Variants in ABCA5 observed in about 807,000 individuals in gnomAD.
ABCA5 encodes the protein cholesterol transporter ABCA5.
Under a neutral mutation model 206.0 loss-of-function variants are expected in ABCA5, and 163 were observed. The observed-to-expected ratio is 0.79, with a 90% confidence interval of 0.70 to 0.90. ABCA5 has a LOEUF of 0.90. Ranked by LOEUF, ABCA5 falls within the 40% of genes least tolerant of loss-of-function variation. The probability of loss-of-function intolerance (pLI) is 0.00; values close to 1 mark genes in which losing one functional copy is unlikely to be tolerated. For missense variants in ABCA5, 1,859 were observed against 1,912.9 expected (o/e 0.97, Z 0.53); for synonymous variants, 609 against 613.8 (o/e 0.99, Z 0.11).
intron 9 of ABCA5, among the ~76,000 whole-genome samples, chr17:69,299,950 C>A (rs758010783): frequency 2.0e-5 from 3 of 152,138 alleles, no homozygotes; most frequent in Non-Finnish European, 4.4e-5. Context: ...GGTCCCCAGC[C>A]TTTTTGGCAC....
At chr17:69,293,113 T>TGTGCCAGGGATGTTTAGCAGC (rs1347032953) in intron 11 of ABCA5, among the ~76,000 whole-genome samples, 3 of 152,070 alleles carry the variant, frequency 2.0e-5, no homozygotes, top group Non-Finnish European at 2.9e-5. Flanking sequence ...TGTTTAGCAG[T>TGTGCCAGGGATGTTTAGCAGC]GTGCCAGGGA....
At chr17:69,296,647 C>T (rs752025681) in intron 10 of ABCA5, among the ~76,000 whole-genome samples, 1 of 152,148 alleles carries the variant, frequency 6.6e-6, no homozygotes, top group Non-Finnish European at 1.5e-5. Flanking sequence ...GGTTTTATTA[C>T]TTTTAAAATT....
chr17:69,303,794 A>G lies in ABCA5; in HGVS notation c.930+875T>C, dbSNP rs867544088. On this transcript the variant is annotated intron_variant, in intron 7 of 38. Transcript: ENST00000392676. ...AAAAAAAAAAAAAAAAAATATATAT[A>G]TATATATATATATACATACATATAT... is the stretch of plus-strand genomic sequence containing the variant. 7.5e-3 allele frequency among the ~76,000 whole-genome samples: 44 copies of G among 5,886 alleles called. 1 individual carries two copies. Among genetic ancestry groups the G allele is most frequent in the African/African-American group, 7.9e-3 (44 of 5,540 alleles). The allele number at this position is 5,886 out of a possible 152,430, so 3.9% of individuals were successfully genotyped here.
In ABCA5 at chr17:69,289,945, G is replaced by A. The variant is rs375509855; in HGVS notation, c.1699C>T (p.His567Tyr). Residue 567 changes from histidine to tyrosine, a missense_variant, in exon 13 of 39, where the codon CAC becomes TAC. Transcript: ENST00000392676. ...MIGICPQLDI[H>Y]FDVLTVEENL... ...TCTTCTACTGTCAAAACATCAAAGT[G>A]TATATCTAACTGTGGACAAATGCCA... 2 of 1,612,132 alleles carry A rather than the reference G, an allele frequency of 1.2e-6. No individual in the cohort carries two copies. Among genetic ancestry groups the A allele is most frequent in the African/African-American group, 1.3e-5 (1 of 74,952 alleles).
At chr17:69,305,015 A>G (rs1194228298) in intron 6 of ABCA5, among the ~76,000 whole-genome samples, 4 of 152,166 alleles carry the variant, frequency 2.6e-5, no homozygotes, top group Non-Finnish European at 4.4e-5. Flanking sequence ...TAAAAGTGTA[A>G]TCTGATAAAA....
chr17:69,319,023 T>C lies in ABCA5; in HGVS notation c.-15-4593A>G, dbSNP rs561257292. ...CCTCTCAAAAGGGCCTGTTTTACTA[T>C]GATGTAAAAATTAAGTCATGTATAT... On this transcript the variant is annotated intron_variant, in intron 1 of 38. Coordinates refer to ENST00000392676, the MANE Select transcript of ABCA5 (RefSeq NM_172232.4). The C allele has an allele frequency of 1.4e-5, 6 of 433,652 alleles. No individual in the cohort carries two copies. In the South Asian group the frequency reaches 1.8e-4, roughly 13 times the overall value. The allele number at this position is 433,652 out of a possible 1,614,324, so 26.9% of individuals were successfully genotyped here.
chr17:69,291,384 G>T, intron 11 of ABCA5, 58 bp from the exon 12 acceptor site: 2 of 1,051,914 alleles, frequency 1.9e-6, no homozygotes, highest in Non-Finnish European at 2.9e-6. Flanking sequence ...AGCTATGCAT[G>T]ATAATTCATA....
intron 28 of ABCA5, among the ~76,000 whole-genome samples, chr17:69,258,984 G>A (rs1167064653): frequency 6.6e-6 from 1 of 151,954 alleles, no homozygotes; most frequent in Non-Finnish European, 1.5e-5. Flanking sequence ...GGAGAAAATA[G>A]AACCCTAAAA....
In ABCA5 at chr17:69,250,875, T is replaced by C. The variant is rs544655718; in HGVS notation, c.4536-254A>G. On this transcript the variant is annotated intron_variant, in intron 35 of 38. Transcript: ENST00000392676. The stretch of plus-strand genomic sequence containing the variant: ...TTCCTTGTCACTGAACTCCATACTT[T>C]ATTTAGATTTCACCAATTTTCTATT... The C allele has an allele frequency of 1.0e-4, 22 of 216,118 alleles. No homozygotes were observed. In the South Asian group the frequency reaches 2.6e-3, roughly 25 times the overall value. 13.4% of individuals were successfully genotyped at this position (216,118 alleles called of 1,614,324 possible).
At position 69,244,768 on chromosome 17, in the gene ABCA5, C is replaced by T. The variant is rs1471194330; in HGVS notation, c.*2769G>A. 6.6e-6 allele frequency: 1 copy of T among 151,218 alleles called. No individual in the cohort carries two copies. The highest frequency in any genetic ancestry group is 1.9e-4 in the East Asian group (1 of 5,196). The allele number at this position is 151,218 out of a possible 1,614,324, so 9.4% of individuals were successfully genotyped here. A position where few individuals can be genotyped will look rare whatever the true frequency, so the allele number is the denominator to read the frequency against. On this transcript the variant is annotated 3_prime_UTR_variant, in exon 39 of 39. Coordinates refer to ENST00000392676, the MANE Select transcript of ABCA5 (RefSeq NM_172232.4). ...ATGAAGTTTTGAGTAACTAACAGAA[C>T]AACAATAAAAACAATAATAACAACA...
In ABCA5 at chr17:69,292,504, G is replaced by A. The variant is rs2075539859; in HGVS notation, c.1496-1178C>T. 2.0e-5 allele frequency among the ~76,000 whole-genome samples: 3 copies of A among 151,870 alleles called. No individual in the cohort carries two copies. In the South Asian group the frequency reaches 6.2e-4, roughly 32 times the overall value. ...CTGTTTAGTTCCACTATTATTTTTT[G>A]TCAATCTAAAAGATTTTAAAAATAG... On this transcript the variant is annotated intron_variant, in intron 11 of 38. Transcript: ENST00000392676.
In ABCA5 at chr17:69,297,673, C is replaced by T. The variant is rs116762852; in HGVS notation, c.1268-314G>A. On this transcript the variant is annotated intron_variant, in intron 9 of 38. Coordinates refer to ENST00000392676, the MANE Select transcript of ABCA5 (RefSeq NM_172232.4). ...GGAGGTAAAGGTGAATAAAGCACAT[C>T]TTCTATGCTAAAGGAACTAATGCCT... Among the ~76,000 whole-genome samples the T allele has an allele frequency of 7.4e-3, 1,129 of 152,260 alleles. 19 individuals carry two copies. Among genetic ancestry groups the T allele is most frequent in the African/African-American group, 0.025 (1,057 of 41,532 alleles).
chr17:69,303,795 T>TATATACAC lies in ABCA5; in HGVS notation c.930+873_930+874insGTGTATAT, dbSNP rs1555584080. ...AAAAAAAAAAAAAAAAATATATATA[T>TATATACAC]ATATATATATATACATACATATATA... On this transcript the variant is annotated intron_variant, in intron 7 of 38. Transcript: ENST00000392676. 4.9e-4 allele frequency among the ~76,000 whole-genome samples: 3 copies of TATATACAC among 6,080 alleles called. 1 individual carries two copies. The Non-Finnish European group carries it at 5.1e-3, about 10-fold the overall frequency. The allele number at this position is 6,080 out of a possible 152,430, so 4.0% of individuals were successfully genotyped here.
intron 1 of ABCA5, chr17:69,318,911 G>C (rs2075840576): frequency 3.0e-6 from 2 of 673,750 alleles, no homozygotes; most frequent in Admixed American, 3.8e-5. Flanking sequence ...TATTGGAATG[G>C]TGGTAATGCG....
At position 69,271,173 on chromosome 17, in the gene ABCA5, GCAT is replaced by G; in HGVS notation, c.2878_2880del (p.Met960del). Reference sequence around the variant, plus strand: ...TGCATTCATCTTACCTTTTCTGAATGCATCACATTTAAAGCCGCACTATGGGGA... The same window carrying G: ...TGCATTCATCTTACCTTTTCTGAATGCACATTTAAAGCCGCACTATGGGGA... On this transcript the variant is annotated inframe_deletion, in exon 21 of 39. Transcript: ENST00000392676. 1.9e-6 allele frequency: 3 copies of G among 1,611,174 alleles called. No homozygotes were observed. Among genetic ancestry groups the G allele is most frequent in the Non-Finnish European group, 2.5e-6 (3 of 1,179,198 alleles).
intron 3 of ABCA5, among the ~76,000 whole-genome samples, chr17:69,310,207 G>A (rs1313204439): frequency 1.3e-5 from 2 of 152,008 alleles, no homozygotes; most frequent in African/African-American, 4.8e-5. Flanking sequence ...CAGTGCACTG[G>A]ATCTTGCACT....
At chr17:69,251,607 G>T in intron 35 of ABCA5, 140 bp downstream of exon 35, 1 of 1,149,100 alleles carries the variant, frequency 8.7e-7, no homozygotes, top group Non-Finnish European at 1.2e-6. Context: ...ATACTTCCAA[G>T]TCAATCTATC....
intron 7 of ABCA5, among the ~76,000 whole-genome samples, chr17:69,303,682 T>TG (rs1437150259): frequency 7.9e-6 from 1 of 127,024 alleles, no homozygotes; most frequent in Non-Finnish European, 1.6e-5. Context: ...CCCAGCACTT[T>TG]GGGAGGCCAA....
chr17:69,295,832 A>G (rs1327867856), intron 10 of ABCA5, among the ~76,000 whole-genome samples: 1 of 152,180 alleles, frequency 6.6e-6, no homozygotes, highest in Non-Finnish European at 1.5e-5. Context: ...GTTTTTTCAA[A>G]TTGTTACAAA....
Sources: allele counts gnomAD v4.1 joint callset (sites outside exome capture counted in the v4.1 genomes callset), GRCh38; gene constraint gnomAD v4.1.1; transcripts MANE v1.5; gene names NCBI Gene and HGNC (gene_info 2026-07-23, HGNC 2026-07-21).